The following SHISA9 variants were observed in gnomAD, a reference collection of about 807,000 sequenced individuals.
SHISA9 encodes the protein shisa family member 9, also known as protein shisa-9.
Under a neutral mutation model 38.0 loss-of-function variants are expected in SHISA9, and 13 were observed. That is an observed-to-expected ratio of 0.34 (90% CI 0.22 to 0.54). The LOEUF (loss-of-function observed/expected upper bound fraction) is 0.54. Ranked by LOEUF, SHISA9 falls within the 20% of genes least tolerant of loss-of-function variation. The pLI is 0.91. For synonymous variants in SHISA9, 275 were observed against 242.0 expected (o/e 1.14, Z -1.27); for missense variants, 538 against 575.8 (o/e 0.93, Z 0.67).
At chr16:13,166,710 G>A (rs1042174439) in intron 2 of SHISA9, among the ~76,000 whole-genome samples, 1 of 152,142 alleles carries the variant, frequency 6.6e-6, no homozygotes, top group African/African-American at 2.4e-5. Context: ...AAAAGTGAAG[G>A]CAAAGGAAGA....
At chr16:13,009,015 G>A (rs115407104) in intron 2 of SHISA9, among the ~76,000 whole-genome samples, 1 of 151,968 alleles carries the variant, frequency 6.6e-6, no homozygotes, top group African/African-American at 2.4e-5. Flanking sequence ...GGACTCCATA[G>A]GGGATGGAGA....
intron 2 of SHISA9, among the ~76,000 whole-genome samples, chr16:12,983,893 C>T (rs1460669207): frequency 6.6e-6 from 1 of 152,196 alleles, no homozygotes; most frequent in Non-Finnish European, 1.5e-5. Flanking sequence ...TGAGGGGTTT[C>T]TGTTTCTTAT....
chr16:13,434,419 G>GGTTTTTTTTTTTTTTTTTTT, the SHISA9 span, among the ~76,000 whole-genome samples: 2 of 64,564 alleles, frequency 3.1e-5, no homozygotes, highest in Non-Finnish European at 6.4e-5. Flanking sequence ...GACAAGCTAT[G>GGTTTTTTTTTTTTTTTTTTT]TTTTTTTTTT....
chr16:13,309,709 A>G, the SHISA9 span, among the ~76,000 whole-genome samples: 2 of 151,680 alleles, frequency 1.3e-5, no homozygotes. Flanking sequence ...TATATTTTTA[A>G]CTCTTTTATG....
the SHISA9 span, among the ~76,000 whole-genome samples, chr16:13,363,865 G>A: frequency 6.6e-6 from 1 of 152,200 alleles, no homozygotes; most frequent in African/African-American, 2.4e-5. Flanking sequence ...TCGAAGAGTA[G>A]TCCAAAGACC....
chr16:12,927,625 G>T lies in SHISA9; in HGVS notation c.691+10810G>T, dbSNP rs78993252. ...GGTCTTGCTATGTTGCCCAGACTGA[G>T]CTCGAGCTCCTGGACTCAAGCAATC... On this transcript the variant is annotated intron_variant, in intron 2 of 4. Coordinates refer to ENST00000558583, the MANE Select transcript of SHISA9 (RefSeq NM_001145204.3). Among the ~76,000 whole-genome samples the T allele has an allele frequency of 8.7e-3, 1,305 of 150,696 alleles. 14 individuals carry two copies. Among genetic ancestry groups the T allele is most frequent in the African/African-American group, 0.031 (1,252 of 40,934 alleles).
intron 2 of SHISA9, among the ~76,000 whole-genome samples, chr16:12,998,831 C>T (rs144038215): frequency 0.013 from 1,958 of 152,232 alleles, 11 homozygotes; most frequent in South Asian, 0.027. Flanking sequence ...TCAGTGCTTA[C>T]GTTGATCTTC....
intron 2 of SHISA9, among the ~76,000 whole-genome samples, chr16:13,100,431 T>C (rs74012260): frequency 0.28 from 42,957 of 152,038 alleles, 6,356 homozygotes; most frequent in South Asian, 0.39. Context: ...ACAGGAGGAC[T>C]CTGTGGTGCC....
intron 2 of SHISA9, among the ~76,000 whole-genome samples, chr16:13,202,211 A>G (rs1426453679): frequency 7.8e-6 from 1 of 128,516 alleles, no homozygotes; most frequent in Non-Finnish European, 1.7e-5. Flanking sequence ...TGTATTCTCT[A>G]GCTGTGCATG....
the SHISA9 span, among the ~76,000 whole-genome samples, chr16:13,544,575 C>T: frequency 6.6e-6 from 1 of 151,886 alleles, no homozygotes; most frequent in Non-Finnish European, 1.5e-5. Context: ...ATTTCCCTCA[C>T]CAATTGCTAA....
the SHISA9 span, among the ~76,000 whole-genome samples, chr16:13,282,117 T>A: frequency 6.6e-6 from 1 of 151,958 alleles, no homozygotes; most frequent in East Asian, 1.9e-4. Context: ...TACATTCAAG[T>A]TTCTATCTGA....
chr16:13,523,808 G>T, the SHISA9 span, among the ~76,000 whole-genome samples: 1 of 152,130 alleles, frequency 6.6e-6, no homozygotes, highest in East Asian at 1.9e-4. Flanking sequence ...TGAGATCTAG[G>T]TGCGGATGCA....
At chr16:13,249,813 G>T in the SHISA9 span, among the ~76,000 whole-genome samples, 1 of 152,090 alleles carries the variant, frequency 6.6e-6, no homozygotes, top group Non-Finnish European at 1.5e-5. Flanking sequence ...GCTCACAGCA[G>T]CCTCAACCTG....
chr16:13,305,961 G>C, the SHISA9 span, among the ~76,000 whole-genome samples: 104,136 of 152,126 alleles, frequency 0.68, 35,844 homozygotes, highest in African/African-American at 0.74. Context: ...TGAGAAGACA[G>C]AGTCCCTGCC....
At chr16:13,087,233 G>C (rs1396785564) in intron 2 of SHISA9, among the ~76,000 whole-genome samples, 1 of 148,854 alleles carries the variant, frequency 6.7e-6, no homozygotes, top group African/African-American at 2.5e-5. Context: ...ATCATTGATG[G>C]ACATTTGGGT....
rs575330118 is a variant in SHISA9 at position 12,980,751 on chromosome 16, A to G, written c.691+63936A>G. Among the ~76,000 whole-genome samples, 10 of 151,072 alleles carry G rather than the reference A, an allele frequency of 6.6e-5. No individual in the cohort carries two copies. The South Asian group carries it at 1.7e-3, about 25-fold the overall frequency. On this transcript the variant is annotated intron_variant, in intron 2 of 4. Coordinates refer to ENST00000558583, the MANE Select transcript of SHISA9 (RefSeq NM_001145204.3). ...CCTTTAATTTTTTTTCTATTTTTTTAGTCATGACTTCTTCCTCTGGAAGAC... is the reference window on the plus strand; with the variant it reads ...CCTTTAATTTTTTTTCTATTTTTTTGGTCATGACTTCTTCCTCTGGAAGAC...
the SHISA9 span, among the ~76,000 whole-genome samples, chr16:13,435,411 TC>T: frequency 1.3e-5 from 2 of 152,202 alleles, no homozygotes; most frequent in Non-Finnish European, 2.9e-5. Flanking sequence ...GTAAACTATG[TC>T]ACAAGAAAGG....
At chr16:13,443,732 G>T in the SHISA9 span, among the ~76,000 whole-genome samples, 5 of 152,286 alleles carry the variant, frequency 3.3e-5, no homozygotes, top group Non-Finnish European at 5.9e-5. Context: ...ACCTGGGAAA[G>T]ATTAACATTA....
chr16:12,998,592 C>A (rs562431860), intron 2 of SHISA9, among the ~76,000 whole-genome samples: 1 of 152,088 alleles, frequency 6.6e-6, no homozygotes, highest in African/African-American at 2.4e-5. Flanking sequence ...TGCAGTGGTG[C>A]GATCGTGGCT....
Sources: gnomAD v4.1 joint callset for allele counts (sites outside exome capture counted in the v4.1 genomes callset) on GRCh38, gnomAD v4.1.1 for gene constraint, MANE v1.5 for transcripts, NCBI Gene and HGNC (gene_info 2026-07-23, HGNC 2026-07-21) for gene names.